Variants in GCNT1 observed in about 807,000 individuals in gnomAD.
GCNT1 encodes the protein glucosaminyl (N-acetyl) transferase 1.
A neutral mutation model predicts 26.2 loss-of-function variants in GCNT1; 16 were observed. The ratio of observed to expected loss-of-function variants is 0.61; its 90% CI spans 0.41 to 0.93. GCNT1 has a LOEUF of 0.93. Ranked by LOEUF, GCNT1 falls within the 40% of genes least tolerant of loss-of-function variation. GCNT1 has a pLI of 0.00. For missense variants in GCNT1, 477 were observed against 526.7 expected (o/e 0.91, Z 0.92); for synonymous variants, 183 against 190.8 (o/e 0.96, Z 0.34).
rs2131650339 is a variant in GCNT1, at chr9:76,504,565, T to C, written c.*897T>C. ...ATTAGTGCAGAAAACTAAGACAGGA[T>C]GATACAGGTTTGAGGGGCTGGGGAG... On this transcript the variant is annotated 3_prime_UTR_variant, in exon 4 of 4. Coordinates refer to ENST00000376730, the MANE Select transcript of GCNT1 (RefSeq NM_001490.5). 1 of 403,898 alleles carries C rather than the reference T, an allele frequency of 2.5e-6. No individual in the cohort carries two copies. Among genetic ancestry groups the C allele is most frequent in the East Asian group, 3.6e-5 (1 of 27,538 alleles). 25.0% of individuals were successfully genotyped at this position (403,898 alleles called of 1,614,324 possible). A position where few individuals can be genotyped will look rare whatever the true frequency, so the allele number is the denominator to read the frequency against.
chr9:76,481,079 A>C (rs151166957), intron 2 of GCNT1, among the ~76,000 whole-genome samples: 206 of 152,268 alleles, frequency 1.4e-3, no homozygotes, highest in African/African-American at 4.6e-3. Flanking sequence ...TGTCTACTAA[A>C]AATACAAAAA....
At chr9:76,443,108 C>CT (rs1396498555) in intron 1 of GCNT1, among the ~76,000 whole-genome samples, 2 of 152,050 alleles carry the variant, frequency 1.3e-5, no homozygotes, top group Admixed American at 1.3e-4. Context: ...ACACCTGTAA[C>CT]CCCAGCAATT....
chr9:76,459,689 A>G (rs1251563179), intron 1 of GCNT1, among the ~76,000 whole-genome samples: 1 of 152,088 alleles, frequency 6.6e-6, no homozygotes, highest in Admixed American at 6.5e-5. Context: ...ATTTAACTTC[A>G]TTGAATCCTA....
chr9:76,439,123 C>A (rs534795707), upstream of GCNT1, among the ~76,000 whole-genome samples: 1 of 152,280 alleles, frequency 6.6e-6, no homozygotes, highest in South Asian at 2.1e-4. Context: ...GGTTCCCAGA[C>A]CAGTAGCTTC....
chr9:76,405,286 T>TC, the GCNT1 span, among the ~76,000 whole-genome samples: 1 of 54,586 alleles, frequency 1.8e-5, no homozygotes. Flanking sequence ...TCCCTGACCT[T>TC]CAACACACAC....
At chr9:76,424,820 G>A (rs556985014) in intron 1 of GCNT1, among the ~76,000 whole-genome samples, 2 of 152,274 alleles carry the variant, frequency 1.3e-5, no homozygotes, top group African/African-American at 2.4e-5. Context: ...CAACACAAAT[G>A]TACTTGGTCT....
upstream of GCNT1, among the ~76,000 whole-genome samples, chr9:76,415,472 T>G (rs1564216959): frequency 6.6e-6 from 1 of 152,338 alleles, no homozygotes; most frequent in East Asian, 1.9e-4. Context: ...CAGAGTCCTA[T>G]GCATACATAT....
intron 2 of GCNT1, among the ~76,000 whole-genome samples, chr9:76,464,030 CTTTTTTTGTTTTTTTT>C (rs1336484388): frequency 3.1e-5 from 4 of 128,358 alleles, no homozygotes; most frequent in African/African-American, 1.3e-4. Flanking sequence ...ACTCCCATCT[CTTTTTTTGTTTTTTTT>C]TTTTTTTGTA....
intron 2 of GCNT1, among the ~76,000 whole-genome samples, chr9:76,463,494 C>T (rs964121527): frequency 6.6e-6 from 1 of 152,156 alleles, no homozygotes; most frequent in African/African-American, 2.4e-5. Context: ...TCTTCTGTTT[C>T]CAATGAGGAG....
chr9:76,464,455 G>A (rs556048431), intron 2 of GCNT1, among the ~76,000 whole-genome samples: 2 of 152,280 alleles, frequency 1.3e-5, no homozygotes, highest in East Asian at 1.9e-4. Context: ...GAGCTCAAGC[G>A]ATCTGCCCAC....
chr9:76,441,064 CA>C (rs758094129), upstream of GCNT1, among the ~76,000 whole-genome samples: 1 of 129,460 alleles, frequency 7.7e-6, no homozygotes. Flanking sequence ...GACTCCATCT[CA>C]AAAAAAAACA....
intron 1 of GCNT1, among the ~76,000 whole-genome samples, chr9:76,425,414 G>A (rs897316330): frequency 6.6e-6 from 1 of 151,924 alleles, no homozygotes; most frequent in South Asian, 2.1e-4. Context: ...GTAGAGACAG[G>A]ATTTCACCAT....
chr9:76,421,898 T>C (rs1360598329), intron 1 of GCNT1, among the ~76,000 whole-genome samples: 1 of 151,904 alleles, frequency 6.6e-6, no homozygotes, highest in Non-Finnish European at 1.5e-5. Context: ...TTTACCGTTA[T>C]GTTAGTTCAT....
chr9:76,486,916 A>C (rs1039378387), intron 2 of GCNT1, among the ~76,000 whole-genome samples: 29 of 150,838 alleles, frequency 1.9e-4, no homozygotes, highest in Non-Finnish European at 3.7e-4. Context: ...ATCTCTACTT[A>C]AAACAAACAA....
upstream of GCNT1, among the ~76,000 whole-genome samples, chr9:76,454,709 T>C (rs72747341): frequency 0.037 from 5,653 of 152,118 alleles, 126 homozygotes; most frequent in Middle Eastern, 0.061. Flanking sequence ...AAGGCTGTTT[T>C]CCCTGCTCTT....
At position 76,501,574 on chromosome 9, in the gene GCNT1, C is replaced by T. The variant is rs749331979; in HGVS notation, c.-144+513C>T. ...GAACTAAACTCATTGTGGGACTAAC[C>T]CAACACAGTCCCAAACGGGGCTTTG... On this transcript the variant is annotated intron_variant, in intron 3 of 3. Coordinates refer to ENST00000376730, the MANE Select transcript of GCNT1 (RefSeq NM_001490.5). Among the ~76,000 whole-genome samples, 32 of 152,130 alleles carry T rather than the reference C, an allele frequency of 2.1e-4. 1 individual carries two copies. Among genetic ancestry groups the T allele is most frequent in the Non-Finnish European group, 1.8e-4 (12 of 68,030 alleles).
intron 1 of GCNT1, among the ~76,000 whole-genome samples, chr9:76,448,169 C>A (rs1309608976): frequency 1.3e-5 from 2 of 152,164 alleles, no homozygotes; most frequent in African/African-American, 4.8e-5. Flanking sequence ...TATATACACA[C>A]AGCCAGGCGC....
chr9:76,477,870 G>C (rs180678272), intron 2 of GCNT1, among the ~76,000 whole-genome samples: 26 of 152,308 alleles, frequency 1.7e-4, no homozygotes, highest in Admixed American at 1.7e-3. Flanking sequence ...TCTGTAAGTG[G>C]AATCCTAGTG....
intron 2 of GCNT1, among the ~76,000 whole-genome samples, chr9:76,499,899 G>A (rs953871802): frequency 2.0e-5 from 3 of 151,606 alleles, no homozygotes; most frequent in Non-Finnish European, 4.4e-5. Flanking sequence ...TTATTATTAA[G>A]GGTTCATTCT....
Sources: gnomAD v4.1 joint callset for allele counts (sites outside exome capture counted in the v4.1 genomes callset) on GRCh38, gnomAD v4.1.1 for gene constraint, MANE v1.5 for transcripts, NCBI Gene and HGNC (gene_info 2026-07-23, HGNC 2026-07-21) for gene names.